The following TAB2 variants were observed in gnomAD, a reference collection of about 807,000 sequenced individuals.
TAB2 encodes the protein TGF-beta-activated kinase 1 and MAP3K7-binding protein 2.
In TAB2, 3 loss-of-function variants were observed where a neutral mutation model predicts 65.0. The observed-to-expected ratio is 0.05, with a 90% CI of 0.02 to 0.12. The LOEUF is 0.12. Among genes scored for constraint, TAB2 ranks in the 10% least tolerant of loss-of-function variants. The pLI, the probability that TAB2 is intolerant of heterozygous loss-of-function variation, is 1.00. For missense variants in TAB2, 623 were observed against 840.3 expected (o/e 0.74, Z 3.20); for synonymous variants, 298 against 285.1 (o/e 1.05, Z -0.46).
intron 1 of TAB2, among the ~76,000 whole-genome samples, chr6:149,228,393 G>T (rs1777329169): frequency 6.6e-6 from 1 of 152,206 alleles, no homozygotes. Context: ...TGGGGAGGCA[G>T]ATTGCCCGTC....
chr6:149,411,406 T>C lies in TAB2; in HGVS notation c.*1687T>C, dbSNP rs1782859511. ...AACCATAGACCCAAAGCCCTTACGT[T>C]TGATGCAATTTATTTTTAAAATAGG... On this transcript the variant is annotated 3_prime_UTR_variant, in exon 7 of 7. Transcript: ENST00000637181. 6.6e-6 allele frequency: 1 copy of C among 152,574 alleles called. No homozygotes were observed. The highest frequency in any genetic ancestry group is 2.4e-5 in the African/African-American group (1 of 41,426). 9.5% of individuals were successfully genotyped at this position (152,574 alleles called of 1,614,324 possible). A position where few individuals can be genotyped will look rare whatever the true frequency, so the allele number is the denominator to read the frequency against.
chr6:149,264,500 G>T (rs181578347), intron 1 of TAB2, among the ~76,000 whole-genome samples: 1 of 152,026 alleles, frequency 6.6e-6, no homozygotes, highest in Admixed American at 6.5e-5. Context: ...AAAATTGCTG[G>T]GGCACCTGTA....
chr6:149,364,446 C>T (rs531309437), intron 1 of TAB2, among the ~76,000 whole-genome samples: 11 of 152,066 alleles, frequency 7.2e-5, no homozygotes, highest in Non-Finnish European at 1.6e-4. Flanking sequence ...TAGCCACAAG[C>T]GAGATGGCAG....
intron 1 of TAB2, among the ~76,000 whole-genome samples, chr6:149,368,583 C>A (rs1205722166): frequency 2.6e-5 from 4 of 151,856 alleles, no homozygotes; most frequent in African/African-American, 9.7e-5. Context: ...GTCCTTTACT[C>A]ATTTCTAGTA....
At chr6:149,264,991 C>A (rs1195427242) in intron 1 of TAB2, among the ~76,000 whole-genome samples, 1 of 152,052 alleles carries the variant, frequency 6.6e-6, no homozygotes, top group Non-Finnish European at 1.5e-5. Flanking sequence ...TTTACCCAAA[C>A]CTTTTGCACC....
At chr6:149,225,575 G>A (rs1340051067) in intron 1 of TAB2, among the ~76,000 whole-genome samples, 1 of 152,052 alleles carries the variant, frequency 6.6e-6, no homozygotes, top group Non-Finnish European at 1.5e-5. Flanking sequence ...AGGACAGTTG[G>A]GGAACTCCCT....
At chr6:149,321,178 A>G (rs186419611) in intron 1 of TAB2, 1 of 152,322 alleles carries the variant, frequency 6.6e-6, no homozygotes, top group Non-Finnish European at 1.5e-5. Context: ...CTGACACTCT[A>G]TATATGTCAT....
intron 1 of TAB2, among the ~76,000 whole-genome samples, chr6:149,288,504 C>A (rs1481931642): frequency 6.6e-6 from 1 of 152,182 alleles, no homozygotes; most frequent in Non-Finnish European, 1.5e-5. Context: ...TGTGGCACTG[C>A]CACAACATCA....
At chr6:149,324,809 A>G (rs1779551522) in intron 1 of TAB2, among the ~76,000 whole-genome samples, 1 of 151,182 alleles carries the variant, frequency 6.6e-6, no homozygotes, top group Non-Finnish European at 1.5e-5. Flanking sequence ...CCTGGTTTTA[A>G]ACTGTGGAAA....
chr6:149,340,221 T>G (rs991486765), intron 1 of TAB2, among the ~76,000 whole-genome samples: 1 of 152,178 alleles, frequency 6.6e-6, no homozygotes, highest in Non-Finnish European at 1.5e-5. Flanking sequence ...GAGGAACAAG[T>G]GAGAGAATGA....
At chr6:149,254,084 AGG>A (rs1554254292) in intron 1 of TAB2, among the ~76,000 whole-genome samples, 1 of 112,728 alleles carries the variant, frequency 8.9e-6, no homozygotes, top group Non-Finnish European at 2.0e-5. Context: ...GAAGGAAGGA[AGG>A]AAGGAAGGAA....
At chr6:149,238,002 C>T (rs922938053) in intron 1 of TAB2, among the ~76,000 whole-genome samples, 10 of 152,194 alleles carry the variant, frequency 6.6e-5, no homozygotes, top group African/African-American at 2.4e-4. Flanking sequence ...GCACTTTGTT[C>T]CTTTTTCCTC....
intron 1 of TAB2, among the ~76,000 whole-genome samples, chr6:149,337,168 A>G (rs933961371): frequency 6.6e-6 from 1 of 152,212 alleles, no homozygotes; most frequent in Admixed American, 6.5e-5. Flanking sequence ...TATTATTACT[A>G]AAGAAGCATA....
intron 1 of TAB2, among the ~76,000 whole-genome samples, chr6:149,253,991 AAAGAAAGAAAGAAAG>A (rs1777929083): frequency 6.7e-6 from 1 of 148,976 alleles, no homozygotes; most frequent in South Asian, 2.1e-4. Context: ...AGAAAGAAAG[AAAGAAAGAAAGAAAG>A]AAAGAAAGAA....
chr6:149,228,974 T>TCAAA (rs1395263129), intron 1 of TAB2, among the ~76,000 whole-genome samples: 1 of 152,100 alleles, frequency 6.6e-6, no homozygotes, highest in East Asian at 1.9e-4. Flanking sequence ...CAGTGACCCC[T>TCAAA]CAAACAACTC....
rs573489183 is a variant in TAB2, at chr6:149,262,429, A to G, written c.-121+43653A>G. On this transcript the variant is annotated intron_variant, in intron 1 of 1. Transcript: ENST00000606202. ...GTGCCTGTAATCCCAGCTACTTGGG[A>G]GGCTGAGGCAAGAGAACCACTTGAA... is the stretch of plus-strand genomic sequence containing the variant. 2.6e-5 allele frequency among the ~76,000 whole-genome samples: 4 copies of G among 152,172 alleles called. No homozygotes were observed. In the East Asian group the frequency reaches 7.7e-4, roughly 29 times the overall value.
intron 1 of TAB2, among the ~76,000 whole-genome samples, chr6:149,241,990 T>C (rs1438920735): frequency 1.3e-5 from 2 of 152,128 alleles, no homozygotes; most frequent in Admixed American, 6.5e-5. Context: ...TTCCCCAGGC[T>C]CTGGACTTTC....
chr6:149,368,844 A>G (rs1408551355), intron 1 of TAB2, among the ~76,000 whole-genome samples: 1 of 152,178 alleles, frequency 6.6e-6, no homozygotes, highest in Non-Finnish European at 1.5e-5. Context: ...TATATAAGTG[A>G]GCGCTTATTT....
intron 1 of TAB2, among the ~76,000 whole-genome samples, chr6:149,236,317 A>G (rs1327139841): frequency 2.0e-5 from 3 of 152,242 alleles, no homozygotes; most frequent in Non-Finnish European, 4.4e-5. Flanking sequence ...CACAGGATCA[A>G]ACAATAGGAG....
Sources: gnomAD v4.1 joint callset for allele counts (sites outside exome capture counted in the v4.1 genomes callset) on GRCh38, gnomAD v4.1.1 for gene constraint, MANE v1.5 for transcripts, NCBI Gene and HGNC (gene_info 2026-07-23, HGNC 2026-07-21) for gene names.